GRIN2B: variants seen among roughly 807,000 people sequenced by gnomAD.
GRIN2B encodes the protein glutamate receptor ionotropic, NMDA 2B.
Under a neutral mutation model 114.5 loss-of-function variants are expected in GRIN2B, and 5 were observed. The observed-to-expected ratio is 0.04, with a 90% CI of 0.02 to 0.09. The LOEUF (loss-of-function observed/expected upper bound fraction) is 0.09, where lower values mean the gene tolerates loss of function less well. GRIN2B is among the 10% of genes least tolerant of loss of function. GRIN2B has a pLI of 1.00. For synonymous variants in GRIN2B, 787 were observed against 745.1 expected (o/e 1.06, Z -0.92); for missense variants, 1,108 against 1,943.5 (o/e 0.57, Z 8.08).
intron 2 of GRIN2B, among the ~76,000 whole-genome samples, chr12:13,950,841 C>G (rs1386552683): frequency 6.6e-6 from 1 of 152,092 alleles, no homozygotes; most frequent in East Asian, 1.9e-4. Context: ...CAACCAAGGG[C>G]CAGAATTTTA....
intron 2 of GRIN2B, among the ~76,000 whole-genome samples, chr12:13,942,846 C>A (rs1390263570): frequency 6.6e-6 from 1 of 152,164 alleles, no homozygotes; most frequent in Non-Finnish European, 1.5e-5. Context: ...ATGGGAGAGA[C>A]ACAGCACAAT....
chr12:13,866,220 C>T lies in GRIN2B; in HGVS notation c.-12G>A, dbSNP rs201343005. On this transcript the variant is annotated 5_prime_UTR_variant, in exon 3 of 14. Coordinates refer to ENST00000609686, the MANE Select transcript of GRIN2B (RefSeq NM_000834.5). ...GCTCTGGGCTTCATCTTCAACTCGT[C>T]GACTCCCTGCAAACACAAAGAAAGA... The T allele has an allele frequency of 2.4e-5, 39 of 1,604,260 alleles. No homozygotes were observed. The African/African-American group carries it at 3.1e-4, about 13-fold the overall frequency.
chr12:13,848,990 G>A (rs140903066), intron 3 of GRIN2B, among the ~76,000 whole-genome samples: 1,554 of 151,118 alleles, frequency 0.01, 19 homozygotes, highest in South Asian at 0.043. Context: ...ACTTCTCCTC[G>A]GGCACAGAAA....
chr12:13,614,250 T>C (rs910978537), intron 8 of GRIN2B, among the ~76,000 whole-genome samples: 1 of 152,190 alleles, frequency 6.6e-6, no homozygotes, highest in Non-Finnish European at 1.5e-5. Context: ...TGGTTAGAGC[T>C]TAAAGAAATG....
intron 3 of GRIN2B, among the ~76,000 whole-genome samples, chr12:13,825,814 G>C (rs1477687519): frequency 1.3e-5 from 2 of 151,914 alleles, no homozygotes; most frequent in East Asian, 3.9e-4. Context: ...ACCGCACCCG[G>C]CCAATTAATC....
At chr12:13,880,840 T>C (rs1291924725) in intron 2 of GRIN2B, among the ~76,000 whole-genome samples, 1 of 152,198 alleles carries the variant, frequency 6.6e-6, no homozygotes, top group Non-Finnish European at 1.5e-5. Context: ...CTAGCCCAAG[T>C]CTTCCTTCAG....
At chr12:13,742,111 T>G (rs1182534296) in intron 4 of GRIN2B, among the ~76,000 whole-genome samples, 1 of 152,214 alleles carries the variant, frequency 6.6e-6, no homozygotes, top group Non-Finnish European at 1.5e-5. Flanking sequence ...TTTAAGCTCT[T>G]ATTGATGACT....
intron 2 of GRIN2B, among the ~76,000 whole-genome samples, chr12:13,876,921 G>C (rs1565572044): frequency 6.6e-6 from 1 of 152,162 alleles, no homozygotes; most frequent in Non-Finnish European, 1.5e-5. Flanking sequence ...ATAATGAGTT[G>C]CAACTCTCTA....
chr12:13,651,301 A>G (rs917022730), intron 5 of GRIN2B, among the ~76,000 whole-genome samples: 1 of 152,110 alleles, frequency 6.6e-6, no homozygotes, highest in Non-Finnish European at 1.5e-5. Context: ...CATTAAAACC[A>G]GGCATGTGGT....
chr12:13,960,158 C>T lies in GRIN2B; in HGVS notation c.-19+19770G>A, dbSNP rs1867665203. Among the ~76,000 whole-genome samples, 3 of 152,188 alleles carry T rather than the reference C, an allele frequency of 2.0e-5. No individual in the cohort carries two copies. In the South Asian group the frequency reaches 6.2e-4, roughly 32 times the overall value. On this transcript the variant is annotated intron_variant, in intron 2 of 13. Coordinates refer to ENST00000609686, the MANE Select transcript of GRIN2B (RefSeq NM_000834.5). The stretch of plus-strand genomic sequence containing the variant: ...CATGACAATGAAAACTGTCTGCAGA[C>T]ATTGGCAAATGTCCTTTGAGAGGAA...
intron 2 of GRIN2B, among the ~76,000 whole-genome samples, chr12:13,905,683 A>G (rs1206856353): frequency 2.0e-5 from 3 of 152,174 alleles, no homozygotes; most frequent in Admixed American, 6.6e-5. Flanking sequence ...CAGGTGCTTA[A>G]AAGAACTACA....
At chr12:13,735,468 A>T (rs529073780) in intron 4 of GRIN2B, among the ~76,000 whole-genome samples, 1 of 152,288 alleles carries the variant, frequency 6.6e-6, no homozygotes, top group Non-Finnish European at 1.5e-5. Flanking sequence ...GAGAAATTTT[A>T]AGCATATACT....
In GRIN2B at chr12:13,800,833, T is replaced by C. The variant is rs1318394287; in HGVS notation, c.412-46918A>G. Among the ~76,000 whole-genome samples, 3 of 152,294 alleles carry C rather than the reference T, an allele frequency of 2.0e-5. No homozygotes were observed. In the East Asian group the frequency reaches 5.8e-4, roughly 29 times the overall value. On this transcript the variant is annotated intron_variant, in intron 3 of 13. Transcript: ENST00000609686. ...TGTCAAAAATTCACTTTGTATTGTA[T>C]AGAGATGTCTTAAATGTCATGCTAT...
chr12:13,835,771 T>TAAAAAAAAAA (rs1165005583), intron 3 of GRIN2B, among the ~76,000 whole-genome samples: 2 of 91,482 alleles, frequency 2.2e-5, no homozygotes, highest in Non-Finnish European at 4.1e-5. Flanking sequence ...CATAGCACAT[T>TAAAAAAAAAA]AAAAAAAAAA....
chr12:13,956,929 T>G (rs1226687946), intron 2 of GRIN2B, among the ~76,000 whole-genome samples: 1 of 152,190 alleles, frequency 6.6e-6, no homozygotes. Context: ...CCTCTACCCT[T>G]AATTTCTGTG....
intron 5 of GRIN2B, among the ~76,000 whole-genome samples, chr12:13,653,775 G>A (rs547717539): frequency 1.4e-4 from 21 of 152,172 alleles, no homozygotes; most frequent in Non-Finnish European, 1.9e-4. Context: ...TATGGTGGGA[G>A]CTCACCTAAC....
intron 2 of GRIN2B, among the ~76,000 whole-genome samples, chr12:13,962,759 TC>T (rs1398011466): frequency 1.3e-5 from 2 of 152,072 alleles, no homozygotes; most frequent in African/African-American, 4.8e-5. Context: ...TCACAAAAAC[TC>T]CCTGGAGTCC....
intron 10 of GRIN2B, among the ~76,000 whole-genome samples, chr12:13,581,203 T>C (rs1415250877): frequency 6.6e-6 from 1 of 152,194 alleles, no homozygotes; most frequent in Non-Finnish European, 1.5e-5. Context: ...ATATGCCCCA[T>C]GCTCCCAAAG....
intron 2 of GRIN2B, among the ~76,000 whole-genome samples, chr12:13,966,299 T>C (rs1387357985): frequency 6.6e-6 from 1 of 152,230 alleles, no homozygotes; most frequent in African/African-American, 2.4e-5. Context: ...TGATCAATAT[T>C]ATTACATCCA....
Sources: allele counts gnomAD v4.1 joint callset (sites outside exome capture counted in the v4.1 genomes callset), GRCh38; gene constraint gnomAD v4.1.1; transcripts MANE v1.5; gene names NCBI Gene and HGNC (gene_info 2026-07-23, HGNC 2026-07-21).